The following CEACAM6 variants were observed in gnomAD, a reference collection of about 807,000 sequenced individuals.
The protein encoded by CEACAM6 is cell adhesion molecule CEACAM6.
In CEACAM6, 21 loss-of-function variants were observed where a neutral mutation model predicts 32.4. That is an observed-to-expected ratio of 0.65 (90% confidence interval 0.46 to 0.93). The LOEUF is 0.93. Ranked by LOEUF, CEACAM6 falls within the 40% of genes least tolerant of loss-of-function variation. The probability of loss-of-function intolerance (pLI) is 0.00; values close to 1 mark genes in which losing one functional copy is unlikely to be tolerated. For missense variants in CEACAM6, 406 were observed against 432.2 expected, an observed-to-expected ratio of 0.94 and a Z score of 0.54; for synonymous variants, 184 against 174.4, an observed-to-expected ratio of 1.06 and a Z score of -0.43.
intron 5 of CEACAM6, among the ~76,000 whole-genome samples, chr19:41,766,889 C>G (rs1021343167): frequency 2.6e-5 from 4 of 151,692 alleles, no homozygotes; most frequent in African/African-American, 9.7e-5. Context: ...ACCTGTAGTC[C>G]CAGCTACTCG....
At chr19:41,756,388 G>C (rs1234436253) in intron 1 of CEACAM6, among the ~76,000 whole-genome samples, 1 of 150,044 alleles carries the variant, frequency 6.7e-6, no homozygotes, top group Non-Finnish European at 1.5e-5. Flanking sequence ...TTCCACACAG[G>C]GAAATGCCAA....
Position 41,761,961 on chromosome 19 carries a change from T to C in CEACAM6, c.704-8T>C. 6.2e-7 allele frequency: 1 copy of C among 1,613,694 alleles called. No homozygotes were observed. Among genetic ancestry groups the C allele is most frequent in the Non-Finnish European group, 8.5e-7 (1 of 1,179,700 alleles). On this transcript the variant is annotated splice_region_variant and splice_polypyrimidine_tract_variant and intron_variant, in intron 3 of 5. Transcript: ENST00000199764. ...ACATCACCTGTGGCTTTATTCTGTT[T>C]CCTCCAGATGGCCCAGATGTCCCCA... is the stretch of plus-strand genomic sequence containing the variant.
At chr19:41,767,827 G>A (rs1555822518) in intron 5 of CEACAM6, among the ~76,000 whole-genome samples, 2 of 152,104 alleles carry the variant, frequency 1.3e-5, no homozygotes, top group Admixed American at 1.3e-4. Flanking sequence ...CAAGAACTCA[G>A]TAATCTAACT....
rs782398702 is a variant in CEACAM6 at position 41,756,936 on chromosome 19, C to G, written c.401C>G (p.Ala134Gly). Residue 134 changes from alanine to glycine, a missense_variant, in exon 2 of 6, where the codon GCA becomes GGA. Physicochemically the swap from Ala to Gly is moderately conservative, Grantham distance 60. Coordinates refer to ENST00000199764, the MANE Select transcript of CEACAM6 (RefSeq NM_002483.7). ...AAGTCAGATCTTGTGAATGAAGAAG[C>G]AACCGGACAGTTCCATGTATACCGT... is the stretch of plus-strand genomic sequence containing the variant. ...VIKSDLVNEE[A>G]TGQFHVYPEL... The G allele has an allele frequency of 3.1e-6, 5 of 1,611,552 alleles. No homozygotes were observed. Among genetic ancestry groups the G allele is most frequent in the Non-Finnish European group, 4.2e-6 (5 of 1,178,476 alleles).
chr19:41,756,602 T>A lies in CEACAM6; in HGVS notation c.67T>A (p.Ser23Thr). Reference sequence around the variant, plus strand: ...CGATGCTCTCTCCTCTCTCCTAGCCTCACTTCTAACCTTCTGGAACCCACC... The same window carrying A: ...CGATGCTCTCTCCTCTCTCCTAGCCACACTTCTAACCTTCTGGAACCCACC... Reference protein sequence around the residue: ...VPWKEVLLTASLLTFWNPPTT... With the variant: ...VPWKEVLLTATLLTFWNPPTT... The change falls in exon 2 of 6, where the codon TCA (serine) becomes ACA (threonine). Residue 23 changes from serine (S) to threonine (T), a missense_variant and splice_region_variant. By Grantham distance (58) the Ser-to-Thr change is moderately conservative (BLOSUM62 1). Coordinates refer to ENST00000199764, the MANE Select transcript of CEACAM6 (RefSeq NM_002483.7). 1 of 1,613,326 alleles carries A rather than the reference T, an allele frequency of 6.2e-7. No individual in the cohort carries two copies. Among genetic ancestry groups the A allele is most frequent in the Non-Finnish European group, 8.5e-7 (1 of 1,179,582 alleles).
rs1555821160 is a variant in CEACAM6, at chr19:41,756,779, T to C, written c.244T>C (p.Tyr82His). ...GGATGGCAACAGTCTAATTGTAGGA[T>C]ATGTAATAGGAACTCAACAAGCTAC... ...RVDGNSLIVG[Y>H]VIGTQQATPG... The change falls in exon 2 of 6, where the codon TAT becomes CAT. Residue 82 changes from tyrosine to histidine, a missense_variant. Coordinates refer to ENST00000199764, the MANE Select transcript of CEACAM6 (RefSeq NM_002483.7). The C allele has an allele frequency of 6.2e-7, 1 of 1,613,856 alleles. No individual in the cohort carries two copies. Among genetic ancestry groups the C allele is most frequent in the Non-Finnish European group, 8.5e-7 (1 of 1,179,982 alleles).
chr19:41,765,464 C>A (rs1276382425), intron 4 of CEACAM6, among the ~76,000 whole-genome samples: 1 of 152,154 alleles, frequency 6.6e-6, no homozygotes, highest in African/African-American at 2.4e-5. Context: ...TAGCTTTCAT[C>A]CACTGAGATG....
intron 5 of CEACAM6, among the ~76,000 whole-genome samples, chr19:41,769,827 AT>A (rs1390336430): frequency 6.8e-6 from 1 of 148,140 alleles, no homozygotes. Flanking sequence ...AATAATTATT[AT>A]TTAACGACTA....
In CEACAM6 at chr19:41,769,718, A is replaced by C. The variant is rs74625305; in HGVS notation, c.*41-1084A>C. On this transcript the variant is annotated intron_variant, in intron 5 of 5. Transcript: ENST00000199764. Reference sequence around the variant, plus strand: ...AATAATATCGTTATTTGCACAAAAAATATAGTTATTAATATTAATTGTTAT... The same window carrying C: ...AATAATATCGTTATTTGCACAAAAACTATAGTTATTAATATTAATTGTTAT... 3.2e-3 allele frequency among the ~76,000 whole-genome samples: 377 copies of C among 118,274 alleles called. 12 individuals are homozygous for C. In the East Asian group the frequency reaches 0.08, roughly 25 times the overall value. 77.6% of individuals were successfully genotyped at this position (118,274 alleles called of 152,430 possible). A position where few individuals can be genotyped will look rare whatever the true frequency, so the allele number is the denominator to read the frequency against.
chr19:41,769,547 T>C (rs1024748301), intron 5 of CEACAM6, among the ~76,000 whole-genome samples: 1 of 152,020 alleles, frequency 6.6e-6, no homozygotes, highest in Admixed American at 6.6e-5. Context: ...TTCTTTGTTT[T>C]GTTTCCCAGA....
At position 41,767,525 on chromosome 19, in the gene CEACAM6, T is replaced by C. The variant is rs576951157; in HGVS notation, c.*40+1226T>C. On this transcript the variant is annotated intron_variant, in intron 5 of 5. Transcript: ENST00000199764. ...GCCACAAAAATTCAGATAAATCTGA[T>C]GGGAAATATAGCTACACATTGGAAT... Among the ~76,000 whole-genome samples, 14 of 152,258 alleles carry C rather than the reference T, an allele frequency of 9.2e-5. No individual in the cohort carries two copies. In the East Asian group the frequency reaches 2.7e-3, roughly 29 times the overall value.
At position 41,761,119 on chromosome 19, in the gene CEACAM6, A is replaced by T. The variant is rs972394260; in HGVS notation, c.425-130A>T. On this transcript the variant is annotated intron_variant, in intron 2 of 5. Coordinates refer to ENST00000199764, the MANE Select transcript of CEACAM6 (RefSeq NM_002483.7). ...TCATCGTGCATCTGTTGTGTGACAC[A>T]CACACCTGCCAGGGGCTTTTAAGGA... The T allele has an allele frequency of 9.0e-5, 138 of 1,533,454 alleles. 1 individual carries two copies. The African/African-American group carries it at 1.7e-3, about 19-fold the overall frequency. 95.0% of individuals were successfully genotyped at this position (1,533,454 alleles called of 1,614,324 possible).
chr19:41,766,344 A>C (rs1555822404), intron 5 of CEACAM6, 45 bp downstream of exon 5: 1 of 1,030,760 alleles, frequency 9.7e-7, no homozygotes. Flanking sequence ...AGGGCTGACC[A>C]CCATGCTTGG....
rs781896187 is a variant in CEACAM6 at position 41,762,007 on chromosome 19, A to G, written c.742A>G (p.Asn248Asp). 65 of 1,613,986 alleles carry G rather than the reference A, an allele frequency of 4.0e-5. 1 individual carries two copies. The highest frequency in any genetic ancestry group is 5.4e-5 in the Non-Finnish European group (64 of 1,180,012). The change falls in exon 4 of 6, where the codon AAT becomes GAT. Residue 248 changes from asparagine (N) to aspartate (D), a missense_variant. Coordinates refer to ENST00000199764, the MANE Select transcript of CEACAM6 (RefSeq NM_002483.7). ...DVPTISPSKA[N>D]YRPGENLNLS... ...CCCCACCATTTCCCCCTCAAAGGCC[A>G]ATTACCGTCCAGGGGAAAATCTGAA...
intron 2 of CEACAM6, among the ~76,000 whole-genome samples, chr19:41,760,604 T>C (rs1349546450): frequency 6.6e-6 from 1 of 152,204 alleles, no homozygotes; most frequent in Non-Finnish European, 1.5e-5. Flanking sequence ...TTCTGCTCTA[T>C]CTGTAGGTGT....
chr19:41,756,879 A>G lies in CEACAM6; in HGVS notation c.344A>G (p.Asn115Ser), dbSNP rs781867074. The change falls in exon 2 of 6, where the codon AAT becomes AGT. Residue 115 changes from asparagine to serine, a missense_variant. Asn to Ser is a conservative substitution (Grantham distance 46). Coordinates refer to ENST00000199764, the MANE Select transcript of CEACAM6 (RefSeq NM_002483.7). ...CTGCTGATCCAGAACGTCACCCAGAATGACACAGGATTCTATACCCTACAA... is the reference window on the plus strand; with the variant it reads ...CTGCTGATCCAGAACGTCACCCAGAGTGACACAGGATTCTATACCCTACAA... ...ASLLIQNVTQNDTGFYTLQVI... is the reference protein window; with the variant it reads ...ASLLIQNVTQSDTGFYTLQVI... 53 of 1,614,060 alleles carry G rather than the reference A, an allele frequency of 3.3e-5. No homozygotes were observed. Among genetic ancestry groups the G allele is most frequent in the Middle Eastern group, 1.6e-4 (1 of 6,084 alleles).
Position 41,762,154 on chromosome 19 carries a change from T to G in CEACAM6, c.889T>G (p.Tyr297Asp). 1 of 1,614,196 alleles carries G rather than the reference T, an allele frequency of 6.2e-7. No individual in the cohort carries two copies. The highest frequency in any genetic ancestry group is 1.3e-5 in the African/African-American group (1 of 75,046). ...CATCACTGTGAATAATAGCGGATCC[T>G]ATATGTGCCAAGCCCATAACTCAGC... ...PNITVNNSGS[Y>D]MCQAHNSATG... Residue 297 changes from tyrosine (Y) to aspartate (D), a missense_variant, in exon 4 of 6, where the codon TAT (tyrosine) becomes GAT (aspartate). Tyr to Asp is a radical substitution (Grantham distance 160, BLOSUM62 -3). Transcript: ENST00000199764.
At chr19:41,766,439 A>C (rs1322106551) in intron 5 of CEACAM6, 140 bp downstream of exon 5, 1 of 472,884 alleles carries the variant, frequency 2.1e-6, no homozygotes, top group Non-Finnish European at 3.8e-6. Context: ...TAATTCCTGC[A>C]GGTCTCTTCT....
chr19:41,766,705 C>T (rs1555822426), intron 5 of CEACAM6, among the ~76,000 whole-genome samples: 1 of 152,046 alleles, frequency 6.6e-6, no homozygotes. Flanking sequence ...GTTCACTCAC[C>T]TACTTAAGGA....
Sources: allele counts gnomAD v4.1 joint callset (sites outside exome capture counted in the v4.1 genomes callset), GRCh38; gene constraint gnomAD v4.1.1; transcripts MANE v1.5; gene names NCBI Gene and HGNC (gene_info 2026-07-23, HGNC 2026-07-21).